PADI4: variants seen among roughly 807,000 people sequenced by gnomAD.
The protein encoded by PADI4 is protein-arginine deiminase type-4.
Under a neutral mutation model 75.0 loss-of-function variants are expected in PADI4, and 62 were observed. The ratio of observed to expected loss-of-function variants is 0.83; its 90% confidence interval spans 0.67 to 1.02. The LOEUF (loss-of-function observed/expected upper bound fraction) is 1.02. Among genes scored for constraint, PADI4 ranks in the 50% least tolerant of loss-of-function variants. The pLI is 0.00. For synonymous variants in PADI4, 361 were observed against 348.1 expected (o/e 1.04, Z -0.41); for missense variants, 845 against 850.5 (o/e 0.99, Z 0.08).
intron 15 of PADI4, among the ~76,000 whole-genome samples, chr1:17,362,582 G>A (rs913067448): frequency 3.3e-5 from 5 of 152,002 alleles, no homozygotes; most frequent in African/African-American, 4.8e-5. Flanking sequence ...ATTACCTATC[G>A]GGTACGATGT....
Position 17,363,857 on chromosome 1 carries a change from C to T in PADI4, c.*102C>T, listed in dbSNP as rs1172455067. ...TGTGAATATTGTGGCTCCCTGGGGGCGGCCAGCCCTCCCAGCAGTGGCTTG... is the reference window on the plus strand; with the variant it reads ...TGTGAATATTGTGGCTCCCTGGGGGTGGCCAGCCCTCCCAGCAGTGGCTTG... On this transcript the variant is annotated 3_prime_UTR_variant, in exon 16 of 16. Coordinates refer to ENST00000375448, the MANE Select transcript of PADI4 (RefSeq NM_012387.3). The T allele has an allele frequency of 8.2e-5, 62 of 754,456 alleles. No individual in the cohort carries two copies. Among genetic ancestry groups the T allele is most frequent in the Middle Eastern group, 2.4e-4 (1 of 4,206 alleles). 46.7% of individuals were successfully genotyped at this position (754,456 alleles called of 1,614,324 possible).
chr1:17,346,271 C>T lies in PADI4; in HGVS notation c.1047+132C>T, dbSNP rs1353355034. ...CTTAGATGGACAGGGAGATAGGAAC[C>T]TGAGAGATCCTTGGGCCGGGAGGCT... is the stretch of plus-strand genomic sequence containing the variant. On this transcript the variant is annotated intron_variant, in intron 9 of 15. Transcript: ENST00000375448. This position sits in a 1 kb window ranked among gnomAD's most constrained non-coding sequence, Gnocchi z 4.3. The T allele has an allele frequency of 1.3e-5, 8 of 613,658 alleles. No individual in the cohort carries two copies. Among genetic ancestry groups the T allele is most frequent in the Non-Finnish European group, 1.8e-5 (6 of 340,112 alleles). 38.0% of individuals were successfully genotyped at this position (613,658 alleles called of 1,614,324 possible). A position where few individuals can be genotyped will look rare whatever the true frequency, so the allele number is the denominator to read the frequency against.
In PADI4 at chr1:17,314,453, A is replaced by C. The variant is rs911038696; in HGVS notation, c.92+6139A>C. Among the ~76,000 whole-genome samples, 7 of 152,354 alleles carry C rather than the reference A, an allele frequency of 4.6e-5. 1 individual carries two copies. Among genetic ancestry groups the C allele is most frequent in the Admixed American group, 4.6e-4 (7 of 15,306 alleles). On this transcript the variant is annotated intron_variant, in intron 1 of 15. Transcript: ENST00000375448. ...GGAGGCACCTGAGCAGAAATGCACC[A>C]GAGCCACTGGGGCATCTCCTGGCCG...
chr1:17,316,460 T>TCAC, intron 1 of PADI4, among the ~76,000 whole-genome samples: 1 of 150,582 alleles, frequency 6.6e-6, no homozygotes, highest in South Asian at 2.1e-4. Flanking sequence ...GAGGCTGAGG[T>TCAC]GGGCAGATCA....
Position 17,356,982 on chromosome 1 carries a change from G to A in PADI4, c.1558+523G>A, listed in dbSNP as rs2074772235. Among the ~76,000 whole-genome samples the A allele has an allele frequency of 6.6e-6, 1 of 152,282 alleles. No homozygotes were observed. On this transcript the variant is annotated intron_variant, in intron 13 of 15. Transcript: ENST00000375448. This position sits in a 1 kb window ranked among gnomAD's most constrained non-coding sequence, Gnocchi z 4.1. ...CCCGGGCTGAGATGCCTCTGTGGCTGAGAGCTCCACCTCAGATCTGAGTAT... is the reference window on the plus strand; with the variant it reads ...CCCGGGCTGAGATGCCTCTGTGGCTAAGAGCTCCACCTCAGATCTGAGTAT...
rs1019656759 is a variant in PADI4 at position 17,363,972 on chromosome 1, C to T, written c.*217C>T. 5.9e-5 allele frequency: 26 copies of T among 439,746 alleles called. No homozygotes were observed. Among genetic ancestry groups the T allele is most frequent in the African/African-American group, 5.1e-4 (26 of 50,664 alleles). 27.2% of individuals were successfully genotyped at this position (439,746 alleles called of 1,614,324 possible). On this transcript the variant is annotated 3_prime_UTR_variant, in exon 16 of 16. Transcript: ENST00000375448. Reference sequence around the variant, plus strand: ...CACTCAGTTCTGCTCTAAGAAGCTGCAATAAAGTTTTTTTAAGTCACTTTG... The same window carrying T: ...CACTCAGTTCTGCTCTAAGAAGCTGTAATAAAGTTTTTTTAAGTCACTTTG...
At position 17,339,776 on chromosome 1, in the gene PADI4, G is replaced by A; in HGVS notation, c.615G>A (p.Arg205=). The A allele has an allele frequency of 6.2e-7, 1 of 1,613,040 alleles. No individual in the cohort carries two copies. The highest frequency in any genetic ancestry group is 1.1e-5 in the South Asian group (1 of 90,910). Residue 205 remains arginine, a synonymous_variant, in exon 6 of 16, where the codon AGG becomes AGA. Coordinates refer to ENST00000375448, the MANE Select transcript of PADI4 (RefSeq NM_012387.3). ...ATACACTGGTGCTCCACGTGGCCAGGTCTGAGATGGACAAAGTGAGGGTGT... is the reference window on the plus strand; with the variant it reads ...ATACACTGGTGCTCCACGTGGCCAGATCTGAGATGGACAAAGTGAGGGTGT... ...TNHTLVLHVA[R]SEMDKVRVFQ... is the part of the protein sequence containing the mutation.
At position 17,328,463 on chromosome 1, in the gene PADI4, T is replaced by C. The variant is rs1447601973; in HGVS notation, c.93-2506T>C. Among the ~76,000 whole-genome samples the C allele has an allele frequency of 5.9e-5, 9 of 152,154 alleles. No individual in the cohort carries two copies. The East Asian group carries it at 1.2e-3, about 20-fold the overall frequency. ...GAGTTTGAGACCAGCCTGGGTAACA[T>C]AGCGAGACTCTGTCTCTACAAAAAA... is the stretch of plus-strand genomic sequence containing the variant. On this transcript the variant is annotated intron_variant, in intron 1 of 15. Coordinates refer to ENST00000375448, the MANE Select transcript of PADI4 (RefSeq NM_012387.3).
At chr1:17,338,301 G>C in intron 5 of PADI4, 146 bp downstream of exon 5, 1 of 609,602 alleles carries the variant, frequency 1.6e-6, no homozygotes. Flanking sequence ...GAAGCAATGG[G>C]CAAAGGCCCT....
At chr1:17,359,057 G>T in intron 14 of PADI4, 149 bp downstream of exon 14, 2 of 688,192 alleles carry the variant, frequency 2.9e-6, no homozygotes, top group East Asian at 2.7e-5. Context: ...AGCAAAGACT[G>T]GGAGAGGCTG....
chr1:17,348,752 G>A (rs2074566406), intron 10 of PADI4: 1 of 152,192 alleles, frequency 6.6e-6, no homozygotes, highest in Non-Finnish European at 1.5e-5. Context: ...TCAGAGTGGA[G>A]AAGTTGGAAT....
intron 10 of PADI4, 56 bp from the exon 11 acceptor site, chr1:17,354,477 C>T (rs935348055): frequency 1.9e-5 from 30 of 1,540,412 alleles, no homozygotes; most frequent in Non-Finnish European, 2.6e-5. Flanking sequence ...GACCCCCCGA[C>T]CCTTCACCAG....
intron 1 of PADI4, among the ~76,000 whole-genome samples, chr1:17,315,365 A>C (rs2073914294): frequency 6.6e-6 from 1 of 152,210 alleles, no homozygotes; most frequent in Admixed American, 6.5e-5. Flanking sequence ...AATGAAAGAA[A>C]GTTGAGAGCA....
chr1:17,354,786 A>T, intron 11 of PADI4, 99 bp downstream of exon 11: 1 of 1,130,464 alleles, frequency 8.8e-7, no homozygotes, highest in Non-Finnish European at 1.2e-6. Flanking sequence ...TTCCGATTCT[A>T]GACAGCCCAA....
At chr1:17,310,295 A>G (rs1202791535) in intron 1 of PADI4, among the ~76,000 whole-genome samples, 1 of 152,168 alleles carries the variant, frequency 6.6e-6, no homozygotes, top group East Asian at 1.9e-4. Flanking sequence ...TAGGGGAGCC[A>G]GGACTCAACC....
rs1432893759 is a variant in PADI4 at position 17,338,019 on chromosome 1, C to T, written c.409-19C>T. On this transcript the variant is annotated intron_variant, in intron 4 of 15. Transcript: ENST00000375448. ...TCTATGCTAGTTTCTGAGCATGACT[C>T]TTCCCTGCTGGTGTCCAGAGGACCT... The T allele has an allele frequency of 1.3e-6, 2 of 1,510,026 alleles. No individual in the cohort carries two copies. The highest frequency in any genetic ancestry group is 2.7e-5 in the African/African-American group (2 of 72,876). 93.5% of individuals were successfully genotyped at this position (1,510,026 alleles called of 1,614,324 possible). A position where few individuals can be genotyped will look rare whatever the true frequency, so the allele number is the denominator to read the frequency against.
At chr1:17,352,138 CAGTA>C (rs2074665346) in intron 10 of PADI4, among the ~76,000 whole-genome samples, 3 of 108,326 alleles carry the variant, frequency 2.8e-5, no homozygotes, top group African/African-American at 7.4e-5. Flanking sequence ...TGATGGGAGG[CAGTA>C]GGAGAGGCAA....
chr1:17,316,833 C>T (rs1192082669), intron 1 of PADI4, among the ~76,000 whole-genome samples: 6 of 152,250 alleles, frequency 3.9e-5, no homozygotes, highest in Admixed American at 2.0e-4. Context: ...GCATTTCAGC[C>T]GGGCATTCAG....
At chr1:17,338,537 C>T (rs1021647576) in intron 5 of PADI4, among the ~76,000 whole-genome samples, 9 of 152,206 alleles carry the variant, frequency 5.9e-5, no homozygotes, top group South Asian at 2.1e-4. Flanking sequence ...AGGCCGGGCA[C>T]GACTCTGACC....
Sources: gnomAD v4.1 joint callset for allele counts (sites outside exome capture counted in the v4.1 genomes callset) on GRCh38, gnomAD v4.1.1 for gene constraint, Gnocchi (gnomAD v3.1) non-coding constraint, MANE v1.5 for transcripts, NCBI Gene and HGNC (gene_info 2026-07-23, HGNC 2026-07-21) for gene names.